Variants in THSD7B observed in about 807,000 individuals in gnomAD.
THSD7B encodes the protein thrombospondin type 1 domain containing 7B, also known as thrombospondin type-1 domain-containing protein 7B.
In THSD7B, 138 loss-of-function variants were observed where a neutral mutation model predicts 213.6. The observed-to-expected ratio is 0.65, with a 90% CI of 0.56 to 0.74. The LOEUF (loss-of-function observed/expected upper bound fraction) is 0.74. Ranked by LOEUF, THSD7B falls within the 30% of genes least tolerant of loss-of-function variation. The pLI, the probability that THSD7B is intolerant of heterozygous loss-of-function variation, is 0.00. For synonymous variants in THSD7B, 742 were observed against 687.0 expected, an observed-to-expected ratio of 1.08 and a Z score of -1.25; for missense variants, 1,931 against 1,991.5, an observed-to-expected ratio of 0.97 and a Z score of 0.58.
At chr2:137,287,351 G>T (rs904779964) in intron 12 of THSD7B, among the ~76,000 whole-genome samples, 23 of 152,040 alleles carry the variant, frequency 1.5e-4, no homozygotes, top group Non-Finnish European at 2.9e-4. Context: ...TATAACAAAA[G>T]GATGTGTTTT....
chr2:137,564,617 G>T (rs1195120738), intron 16 of THSD7B, among the ~76,000 whole-genome samples: 2 of 152,104 alleles, frequency 1.3e-5, no homozygotes, highest in Non-Finnish European at 2.9e-5. Flanking sequence ...ATGAGCTGTG[G>T]CATCTCCTAC....
At chr2:136,866,698 C>T (rs570368508) in intron 1 of THSD7B, among the ~76,000 whole-genome samples, 1 of 152,314 alleles carries the variant, frequency 6.6e-6, no homozygotes, top group Non-Finnish European at 1.5e-5. Context: ...CGCAGAAAAG[C>T]GTTCCTACCT....
intron 15 of THSD7B, among the ~76,000 whole-genome samples, chr2:137,560,077 A>G (rs1681076392): frequency 1.6e-5 from 2 of 122,140 alleles, no homozygotes; most frequent in Admixed American, 1.7e-4. Context: ...GCTGGAGAGG[A>G]TGTGGAGAAA....
At chr2:137,650,908 A>C (rs1343378799) in intron 21 of THSD7B, among the ~76,000 whole-genome samples, 1 of 152,188 alleles carries the variant, frequency 6.6e-6, no homozygotes, top group Admixed American at 6.5e-5. Flanking sequence ...CCATCCTTAC[A>C]TTCCTGAAAT....
At chr2:137,660,276 C>G (rs1447190680) in intron 25 of THSD7B, among the ~76,000 whole-genome samples, 1 of 151,882 alleles carries the variant, frequency 6.6e-6, no homozygotes, top group African/African-American at 2.4e-5. Flanking sequence ...TAACTCCCAT[C>G]TACCACAACT....
At chr2:137,173,538 G>T (rs1027313893) in intron 7 of THSD7B, among the ~76,000 whole-genome samples, 1 of 152,116 alleles carries the variant, frequency 6.6e-6, no homozygotes, top group South Asian at 2.1e-4. Flanking sequence ...CTAATTTTCA[G>T]CTTTTGACCT....
intron 5 of THSD7B, among the ~76,000 whole-genome samples, chr2:137,138,210 T>A (rs1196503689): frequency 1.3e-5 from 2 of 152,184 alleles, no homozygotes; most frequent in African/African-American, 4.8e-5. Context: ...ATGAAGGATT[T>A]TTTTGTGAAA....
At chr2:137,402,628 C>G (rs1383281166) in intron 12 of THSD7B, among the ~76,000 whole-genome samples, 2 of 151,778 alleles carry the variant, frequency 1.3e-5, no homozygotes, top group African/African-American at 4.8e-5. Context: ...ACCAGCCTGG[C>G]CAACATGATG....
chr2:137,482,478 T>C (rs1033269925), intron 15 of THSD7B, among the ~76,000 whole-genome samples: 2 of 152,216 alleles, frequency 1.3e-5, no homozygotes, highest in Non-Finnish European at 2.9e-5. Flanking sequence ...GAATGTGGCA[T>C]AGCATATTTT....
At chr2:137,452,938 A>G (rs1573634265) in intron 15 of THSD7B, among the ~76,000 whole-genome samples, 1 of 152,188 alleles carries the variant, frequency 6.6e-6, no homozygotes, top group African/African-American at 2.4e-5. Context: ...CATAAATTCA[A>G]TAAGTAAAGG....
chr2:137,521,021 G>A (rs1241047788), intron 15 of THSD7B, among the ~76,000 whole-genome samples: 1 of 152,112 alleles, frequency 6.6e-6, no homozygotes, highest in African/African-American at 2.4e-5. Context: ...ACCTGAGGTG[G>A]GGTTGGGGAT....
chr2:137,223,186 C>T (rs968516829), intron 7 of THSD7B, among the ~76,000 whole-genome samples: 2 of 152,100 alleles, frequency 1.3e-5, no homozygotes, highest in African/African-American at 4.8e-5. Context: ...CTAGAACTGG[C>T]TTGAAGTCAG....
At chr2:136,900,302 A>T (rs1373330044) in intron 2 of THSD7B, among the ~76,000 whole-genome samples, 2 of 152,170 alleles carry the variant, frequency 1.3e-5, no homozygotes, top group Non-Finnish European at 2.9e-5. Flanking sequence ...GTTTGTTCTT[A>T]CTGCCTTTCT....
At chr2:137,275,460 G>A (rs1233989720) in intron 11 of THSD7B, among the ~76,000 whole-genome samples, 8 of 151,840 alleles carry the variant, frequency 5.3e-5, no homozygotes. Flanking sequence ...TGTACCTCAA[G>A]CTTACAGATG....
At chr2:137,348,410 C>A (rs1039789016) in intron 12 of THSD7B, among the ~76,000 whole-genome samples, 1 of 151,642 alleles carries the variant, frequency 6.6e-6, no homozygotes, top group Non-Finnish European at 1.5e-5. Flanking sequence ...TAATCATATG[C>A]CCTCGATATG....
At chr2:137,131,860 T>C (rs894596214) in intron 5 of THSD7B, among the ~76,000 whole-genome samples, 9 of 152,274 alleles carry the variant, frequency 5.9e-5, no homozygotes, top group African/African-American at 1.9e-4. Flanking sequence ...CTTGGCAATG[T>C]GGGCTCTTTT....
chr2:137,262,633 G>A (rs1239184807), intron 10 of THSD7B, among the ~76,000 whole-genome samples: 1 of 152,096 alleles, frequency 6.6e-6, no homozygotes, highest in Non-Finnish European at 1.5e-5. Flanking sequence ...TTTTTTAAAT[G>A]GGTTGAGAGC....
At chr2:137,292,749 T>G (rs1326966875) in intron 12 of THSD7B, among the ~76,000 whole-genome samples, 1 of 152,176 alleles carries the variant, frequency 6.6e-6, no homozygotes, top group Non-Finnish European at 1.5e-5. Context: ...CCTCACCCTT[T>G]CTTTAACTCC....
At chr2:137,370,578 C>T (rs368697919) in intron 12 of THSD7B, among the ~76,000 whole-genome samples, 6 of 152,152 alleles carry the variant, frequency 3.9e-5, no homozygotes, top group East Asian at 1.9e-4. Context: ...GGGTGATCCT[C>T]ATGTCTCAGC....
Sources: allele counts gnomAD v4.1 joint callset (sites outside exome capture counted in the v4.1 genomes callset), GRCh38; gene constraint gnomAD v4.1.1; transcripts MANE v1.5; gene names NCBI Gene and HGNC (gene_info 2026-07-23, HGNC 2026-07-21).